The following VGLL4 variants were observed in gnomAD, a reference collection of about 807,000 sequenced individuals.
VGLL4 encodes the protein vestigial like family member 4, also known as transcription cofactor vestigial-like protein 4.
In VGLL4, 7 loss-of-function variants were observed where a neutral mutation model predicts 21.0. The ratio of observed to expected loss-of-function variants is 0.33; its 90% CI spans 0.19 to 0.63. The LOEUF (loss-of-function observed/expected upper bound fraction) is 0.63, where lower values mean the gene tolerates loss of function less well. Among genes scored for constraint, VGLL4 ranks in the 20% least tolerant of loss-of-function variants. VGLL4 has a pLI of 0.78. For synonymous variants in VGLL4, 222 were observed against 173.2 expected (o/e 1.28, Z -2.21); for missense variants, 394 against 425.7 (o/e 0.93, Z 0.66).
chr3:11,637,804 G>C (rs2075616446), intron 1 of VGLL4, among the ~76,000 whole-genome samples: 1 of 152,174 alleles, frequency 6.6e-6, no homozygotes, highest in South Asian at 2.1e-4. Flanking sequence ...CCACGGTTAG[G>C]ATTTTGTTGT....
In VGLL4 at chr3:11,652,109, A is replaced by G. The variant is rs7616793; in HGVS notation, c.65-50087T>C. Among the ~76,000 whole-genome samples the G allele has an allele frequency of 9.2e-3, 1,399 of 152,310 alleles. 21 individuals are homozygous for G. Among genetic ancestry groups the G allele is most frequent in the African/African-American group, 0.033 (1,356 of 41,560 alleles). Reference sequence around the variant, plus strand: ...TCTTCAGATCATATTTAAATTTTCAATACAACACCACCCTCTAGGGGTGAA... The same window carrying G: ...TCTTCAGATCATATTTAAATTTTCAGTACAACACCACCCTCTAGGGGTGAA... On this transcript the variant is annotated intron_variant, in intron 2 of 5. Transcript: ENST00000273038.
chr3:11,715,108 C>CT (rs1285902598), intron 1 of VGLL4, among the ~76,000 whole-genome samples: 32 of 148,302 alleles, frequency 2.2e-4, no homozygotes, highest in Non-Finnish European at 3.3e-4. Flanking sequence ...GCACTCCAGC[C>CT]TGGGTGACAG....
chr3:11,570,840 AACAC>A (rs1332214734), intron 2 of VGLL4, among the ~76,000 whole-genome samples: 2 of 152,048 alleles, frequency 1.3e-5, no homozygotes, highest in Non-Finnish European at 2.9e-5. Flanking sequence ...AGCACCCCAC[AACAC>A]ACACACAGGA....
At chr3:11,666,446 C>CAG (rs2076128415) in intron 2 of VGLL4, among the ~76,000 whole-genome samples, 1 of 152,086 alleles carries the variant, frequency 6.6e-6, no homozygotes, top group Admixed American at 6.5e-5. Flanking sequence ...AGGCCCACTC[C>CAG]AGCACCAGCG....
chr3:11,662,654 G>C (rs768409398), intron 2 of VGLL4, among the ~76,000 whole-genome samples: 1 of 152,186 alleles, frequency 6.6e-6, no homozygotes, highest in African/African-American at 2.4e-5. Context: ...ATGTAATACG[G>C]ATCTGGCCAA....
At chr3:11,696,658 T>C (rs774384177) in intron 2 of VGLL4, among the ~76,000 whole-genome samples, 1 of 152,226 alleles carries the variant, frequency 6.6e-6, no homozygotes, top group African/African-American at 2.4e-5. Flanking sequence ...TCAACTTCTA[T>C]TTAAATAGAG....
chr3:11,559,718 TG>T (rs2072795341), intron 3 of VGLL4, among the ~76,000 whole-genome samples: 1 of 152,188 alleles, frequency 6.6e-6, no homozygotes, highest in Non-Finnish European at 1.5e-5. Flanking sequence ...ACTGTTGAGT[TG>T]GTCTGTCCCC....
Position 11,643,837 on chromosome 3 carries a change from C to T in VGLL4, c.-319G>A, listed in dbSNP as rs1178094405. 9 of 1,064,546 alleles carry T rather than the reference C, an allele frequency of 8.5e-6. No individual in the cohort carries two copies. Among genetic ancestry groups the T allele is most frequent in the Non-Finnish European group, 1.0e-5 (9 of 880,480 alleles). 65.9% of individuals were successfully genotyped at this position (1,064,546 alleles called of 1,614,324 possible). A position where few individuals can be genotyped will look rare whatever the true frequency, so the allele number is the denominator to read the frequency against. On this transcript the variant is annotated 5_prime_UTR_variant, in exon 1 of 5. Coordinates refer to ENST00000430365, the MANE Select transcript of VGLL4 (RefSeq NM_001128219.3). ...GAAAAGAGTGAAAAAGAGAAACGCG[C>T]AGCCCGTTTCCTAGGACAAAGCGGC...
intron 2 of VGLL4, among the ~76,000 whole-genome samples, chr3:11,575,442 CGTGTGT>C (rs2074009388): frequency 6.6e-6 from 1 of 152,196 alleles, no homozygotes; most frequent in African/African-American, 2.4e-5. Flanking sequence ...GAATGTGCAT[CGTGTGT>C]GAGTCTGCCC....
chr3:11,680,891 T>C (rs980114459), intron 2 of VGLL4, among the ~76,000 whole-genome samples: 1 of 152,058 alleles, frequency 6.6e-6, no homozygotes, highest in South Asian at 2.1e-4. Flanking sequence ...GCGATGAGTA[T>C]CTGTTGAGTG....
intron 2 of VGLL4, among the ~76,000 whole-genome samples, chr3:11,591,463 C>T (rs1045019179): frequency 6.6e-6 from 1 of 152,196 alleles, no homozygotes; most frequent in South Asian, 2.1e-4. Flanking sequence ...GAAAAAATGC[C>T]AGCAGCAAGA....
chr3:11,718,099 TCA>T (rs1364305547), intron 1 of VGLL4, among the ~76,000 whole-genome samples: 1 of 152,238 alleles, frequency 6.6e-6, no homozygotes, highest in African/African-American at 2.4e-5. Context: ...TAGTTTGCAT[TCA>T]CTTCCAAATG....
chr3:11,647,142 C>T (rs957034741), upstream of VGLL4, among the ~76,000 whole-genome samples: 1 of 152,178 alleles, frequency 6.6e-6, no homozygotes, highest in Non-Finnish European at 1.5e-5. Context: ...CTACAACAGC[C>T]CGCCTCTGCA....
In VGLL4 at chr3:11,568,645, G is replaced by C. The variant is rs756292411; in HGVS notation, c.273-3626C>G. 3 of 1,567,930 alleles carry C rather than the reference G, an allele frequency of 1.9e-6. No homozygotes were observed. Among genetic ancestry groups the C allele is most frequent in the South Asian group, 1.2e-5 (1 of 85,368 alleles). ...TCCTGGTTCCCGGAGCTTCAAGACA[G>C]ACATTGTTTTCCAGGCCCCGCTCGC... is the stretch of plus-strand genomic sequence containing the variant. On this transcript the variant is annotated intron_variant, in intron 2 of 4. Transcript: ENST00000430365. The surrounding 1 kb of genome is among the most constrained non-coding windows in gnomAD (Gnocchi z 5.9).
chr3:11,657,386 G>T (rs2075973529), intron 2 of VGLL4, among the ~76,000 whole-genome samples: 1 of 152,086 alleles, frequency 6.6e-6, no homozygotes, highest in African/African-American at 2.4e-5. Flanking sequence ...TACAAATGTG[G>T]CAAGCAAATG....
At chr3:11,662,122 T>A (rs777958586) in intron 2 of VGLL4, among the ~76,000 whole-genome samples, 4 of 152,176 alleles carry the variant, frequency 2.6e-5, no homozygotes, top group Non-Finnish European at 5.9e-5. Flanking sequence ...TAACATTATG[T>A]CGCCAGCTGC....
intron 2 of VGLL4, among the ~76,000 whole-genome samples, chr3:11,658,058 G>C (rs545445595): frequency 6.6e-6 from 1 of 151,964 alleles, no homozygotes; most frequent in Non-Finnish European, 1.5e-5. Flanking sequence ...CTCAGTCTCC[G>C]GAGCAGCTGA....
At chr3:11,628,948 T>C (rs1208004723) in intron 1 of VGLL4, among the ~76,000 whole-genome samples, 1 of 152,200 alleles carries the variant, frequency 6.6e-6, no homozygotes. Context: ...TGCAGTAAAA[T>C]AGGCACTTCC....
intron 2 of VGLL4, among the ~76,000 whole-genome samples, chr3:11,695,364 C>G (rs528347223): frequency 6.6e-6 from 1 of 152,180 alleles, no homozygotes; most frequent in Non-Finnish European, 1.5e-5. Flanking sequence ...TGTTCTCATT[C>G]TTAAGAAATG....
Sources: gnomAD v4.1 joint callset for allele counts (sites outside exome capture counted in the v4.1 genomes callset) on GRCh38, gnomAD v4.1.1 for gene constraint, Gnocchi (gnomAD v3.1) non-coding constraint, MANE v1.5 for transcripts, NCBI Gene and HGNC (gene_info 2026-07-23, HGNC 2026-07-21) for gene names.